CYYR1: variants seen among roughly 807,000 people sequenced by gnomAD.
The protein encoded by CYYR1 is cysteine and tyrosine rich 1.
Under a neutral mutation model 15.2 loss-of-function variants are expected in CYYR1, and 14 were observed. The ratio of observed to expected loss-of-function variants is 0.92; its 90% CI spans 0.61 to 1.44. CYYR1 has a LOEUF of 1.44. Ranked by LOEUF, CYYR1 falls within the 40% of genes most tolerant of loss-of-function variation. The probability of loss-of-function intolerance (pLI) is 0.00; values close to 1 mark genes in which losing one functional copy is unlikely to be tolerated. For synonymous variants in CYYR1, 80 were observed against 77.4 expected (o/e 1.03, Z -0.18); for missense variants, 228 against 209.5 (o/e 1.09, Z -0.54).
At chr21:26,558,892 C>T (rs1431929074) in intron 2 of CYYR1, among the ~76,000 whole-genome samples, 1 of 152,128 alleles carries the variant, frequency 6.6e-6, no homozygotes, top group African/African-American at 2.4e-5. Flanking sequence ...GTGTGGGTTG[C>T]TTCCAATGTT....
chr21:26,565,022 C>T (rs1980512158), intron 2 of CYYR1, among the ~76,000 whole-genome samples: 1 of 152,058 alleles, frequency 6.6e-6, no homozygotes, highest in Non-Finnish European at 1.5e-5. Flanking sequence ...TCTACCAAAC[C>T]ATCCATGAAG....
chr21:26,480,587 A>C (rs1472657802), intron 2 of CYYR1, among the ~76,000 whole-genome samples, 158 bp from the exon 3 acceptor site: 1 of 151,562 alleles, frequency 6.6e-6, no homozygotes, highest in African/African-American at 2.4e-5. Flanking sequence ...AAAACCCATA[A>C]GTTCCCTGAA....
At chr21:26,526,934 C>T (rs147693630) in intron 2 of CYYR1, among the ~76,000 whole-genome samples, 17 of 152,302 alleles carry the variant, frequency 1.1e-4, no homozygotes, top group African/African-American at 3.6e-4. Context: ...GTCCTCCAAA[C>T]ACTATGGTCT....
intron 2 of CYYR1, among the ~76,000 whole-genome samples, chr21:26,541,747 A>C (rs1362481430): frequency 6.6e-6 from 1 of 152,234 alleles, no homozygotes; most frequent in Admixed American, 6.5e-5. Context: ...GTGAAAATAC[A>C]GAATTAATTA....
chr21:26,485,046 A>T (rs1293548312), intron 2 of CYYR1, among the ~76,000 whole-genome samples: 1 of 152,112 alleles, frequency 6.6e-6, no homozygotes, highest in Non-Finnish European at 1.5e-5. Flanking sequence ...CCTGCATATA[A>T]ATAATTGGCT....
At chr21:26,493,320 T>C (rs117995679) in intron 2 of CYYR1, among the ~76,000 whole-genome samples, 4,609 of 152,130 alleles carry the variant, frequency 0.03, 103 homozygotes, top group Non-Finnish European at 0.044. Flanking sequence ...ACATGGAGAG[T>C]GGATTTGATG....
At chr21:26,475,507 C>T (rs2065091008) in intron 3 of CYYR1, among the ~76,000 whole-genome samples, 1 of 152,086 alleles carries the variant, frequency 6.6e-6, no homozygotes, top group Non-Finnish European at 1.5e-5. Flanking sequence ...CCAACAATCC[C>T]TTCTATCTTC....
chr21:26,512,482 T>C (rs1227804497), intron 2 of CYYR1, among the ~76,000 whole-genome samples: 1 of 152,084 alleles, frequency 6.6e-6, no homozygotes, highest in Non-Finnish European at 1.5e-5. Context: ...GATCACAGCG[T>C]GAGCCACCGC....
chr21:26,531,999 G>T (rs942250338), intron 2 of CYYR1, among the ~76,000 whole-genome samples: 1 of 152,076 alleles, frequency 6.6e-6, no homozygotes, highest in Non-Finnish European at 1.5e-5. Context: ...ACTAAGTTCA[G>T]TGATGATGAT....
chr21:26,481,797 T>C (rs1816616987), intron 2 of CYYR1, among the ~76,000 whole-genome samples: 1 of 151,972 alleles, frequency 6.6e-6, no homozygotes, highest in African/African-American at 2.4e-5. Context: ...CTTACTAGTA[T>C]TGAATACTAG....
intron 2 of CYYR1, among the ~76,000 whole-genome samples, chr21:26,518,020 G>T (rs548315119): frequency 7.9e-5 from 12 of 152,282 alleles, no homozygotes; most frequent in African/African-American, 2.9e-4. Flanking sequence ...ACGAACCTTT[G>T]TTTCTCAGCA....
At chr21:26,542,576 T>G (rs932426944) in intron 2 of CYYR1, among the ~76,000 whole-genome samples, 2 of 152,280 alleles carry the variant, frequency 1.3e-5, no homozygotes, top group African/African-American at 4.8e-5. Context: ...TTTTCCTATG[T>G]TCCAGAACAA....
chr21:26,470,366 T>G (rs2065019298), intron 3 of CYYR1, among the ~76,000 whole-genome samples: 1 of 152,186 alleles, frequency 6.6e-6, no homozygotes, highest in African/African-American at 2.4e-5. Context: ...TTGATATGGT[T>G]TGGCTCTGTG....
At chr21:26,556,602 G>T (rs1216224219) in intron 2 of CYYR1, among the ~76,000 whole-genome samples, 3 of 152,084 alleles carry the variant, frequency 2.0e-5, no homozygotes. Flanking sequence ...ATGGCAGACG[G>T]TGAAGGGGAA....
At chr21:26,555,511 T>C (rs1291588213) in intron 2 of CYYR1, among the ~76,000 whole-genome samples, 2 of 152,196 alleles carry the variant, frequency 1.3e-5, no homozygotes, top group African/African-American at 4.8e-5. Flanking sequence ...GTCATGTTTT[T>C]CTCTATTTTT....
chr21:26,470,158 A>G (rs2065017243), intron 3 of CYYR1, among the ~76,000 whole-genome samples: 1 of 152,154 alleles, frequency 6.6e-6, no homozygotes, highest in South Asian at 2.1e-4. Context: ...CATTTCAACA[A>G]ACTTTTCTAA....
chr21:26,528,356 G>A (rs1009956923), intron 2 of CYYR1, among the ~76,000 whole-genome samples: 1 of 152,100 alleles, frequency 6.6e-6, no homozygotes, highest in African/African-American at 2.4e-5. Flanking sequence ...TTAGGTCATG[G>A]AGCAGGTCCC....
At chr21:26,470,741 A>T (rs2065023304) in intron 3 of CYYR1, 2 of 152,240 alleles carry the variant, frequency 1.3e-5, no homozygotes, top group African/African-American at 4.8e-5. Flanking sequence ...TTTCTTCTGG[A>T]TCTTTTTAGT....
chr21:26,495,784 C>T (rs576634510), intron 2 of CYYR1, among the ~76,000 whole-genome samples: 51 of 152,164 alleles, frequency 3.4e-4, no homozygotes, highest in Non-Finnish European at 6.2e-4. Context: ...ATCAACTTCA[C>T]GATTAAAAGA....
Sources: gnomAD v4.1 joint callset for allele counts (sites outside exome capture counted in the v4.1 genomes callset) on GRCh38, gnomAD v4.1.1 for gene constraint, MANE v1.5 for transcripts, NCBI Gene and HGNC (gene_info 2026-07-23, HGNC 2026-07-21) for gene names.